ROBO1: variants seen among roughly 807,000 people sequenced by gnomAD.
The protein encoded by ROBO1 is roundabout homolog 1.
ROBO1 carries 149 observed loss-of-function variants against 195.9 expected under a neutral mutation model. The observed-to-expected ratio is 0.76, with a 90% confidence interval of 0.67 to 0.87. ROBO1 has a LOEUF of 0.87. Among genes scored for constraint, ROBO1 ranks in the 40% least tolerant of loss-of-function variants. ROBO1 has a pLI of 0.00. For missense variants in ROBO1, 1,933 were observed against 2,068.3 expected (o/e 0.93, Z 1.27); for synonymous variants, 816 against 733.2 (o/e 1.11, Z -1.82).
chr3:79,540,850 A>G (rs951449202), intron 2 of ROBO1, among the ~76,000 whole-genome samples: 2 of 152,090 alleles, frequency 1.3e-5, no homozygotes, highest in African/African-American at 2.4e-5. Context: ...TCTACGTAAT[A>G]TTTTTTACAT....
chr3:79,461,198 T>C (rs573096348), intron 2 of ROBO1, among the ~76,000 whole-genome samples: 29 of 152,236 alleles, frequency 1.9e-4, no homozygotes, highest in African/African-American at 6.0e-4. Flanking sequence ...GGTGGACTCA[T>C]AGGGTCACAT....
intron 3 of ROBO1, among the ~76,000 whole-genome samples, chr3:79,095,572 A>G (rs529258607): frequency 1.3e-5 from 2 of 151,712 alleles, no homozygotes; most frequent in Non-Finnish European, 2.9e-5. Flanking sequence ...CTCAGGTAAA[A>G]CCCTGGGCTA....
chr3:79,142,066 G>A (rs1055852482), intron 2 of ROBO1, among the ~76,000 whole-genome samples: 3 of 151,910 alleles, frequency 2.0e-5, no homozygotes, highest in African/African-American at 7.2e-5. Context: ...TTCCAAAAGA[G>A]ACATTCTTAT....
intron 1 of ROBO1, among the ~76,000 whole-genome samples, chr3:79,693,898 T>C (rs532872998): frequency 6.6e-6 from 1 of 151,870 alleles, no homozygotes; most frequent in South Asian, 2.1e-4. Flanking sequence ...TAAATAAATA[T>C]CATGAGAAGT....
intron 4 of ROBO1, among the ~76,000 whole-genome samples, chr3:78,827,340 C>T (rs1176402411): frequency 6.6e-6 from 1 of 152,094 alleles, no homozygotes; most frequent in African/African-American, 2.4e-5. Flanking sequence ...CTTCACTACA[C>T]CATAATACTT....
At chr3:78,785,050 G>A (rs975339130) in intron 4 of ROBO1, among the ~76,000 whole-genome samples, 2 of 152,100 alleles carry the variant, frequency 1.3e-5, no homozygotes, top group African/African-American at 2.4e-5. Context: ...ATTGTTCAAA[G>A]GCAAGTGGGT....
chr3:79,483,004 G>A (rs529051260), intron 2 of ROBO1, among the ~76,000 whole-genome samples: 2 of 152,240 alleles, frequency 1.3e-5, no homozygotes, highest in South Asian at 2.1e-4. Flanking sequence ...GTGTTGAAAC[G>A]GCAAAAGGGA....
chr3:79,294,118 CA>C (rs1166426631), intron 2 of ROBO1, among the ~76,000 whole-genome samples: 1 of 129,040 alleles, frequency 7.7e-6, no homozygotes, highest in Admixed American at 7.5e-5. Context: ...CATATGGAAT[CA>C]AAAAAGAGCC....
At chr3:79,530,895 T>A (rs1941634394) in intron 2 of ROBO1, among the ~76,000 whole-genome samples, 1 of 151,990 alleles carries the variant, frequency 6.6e-6, no homozygotes, top group Non-Finnish European at 1.5e-5. Context: ...TGTCCCCAGT[T>A]ATTCTCCAGA....
chr3:78,756,538 A>G (rs972552978), intron 4 of ROBO1, among the ~76,000 whole-genome samples: 2 of 152,184 alleles, frequency 1.3e-5, no homozygotes, highest in African/African-American at 4.8e-5. Flanking sequence ...TTCATTCAAT[A>G]AAAGTACAAC....
chr3:79,549,639 G>A (rs925194989), intron 2 of ROBO1, among the ~76,000 whole-genome samples: 13 of 152,110 alleles, frequency 8.5e-5, no homozygotes, highest in African/African-American at 2.9e-4. Flanking sequence ...TAAAGTATAT[G>A]GGAGGAAATG....
intron 8 of ROBO1, among the ~76,000 whole-genome samples, chr3:78,695,535 G>A (rs1258736445): frequency 6.7e-6 from 1 of 149,706 alleles, no homozygotes; most frequent in Non-Finnish European, 1.5e-5. Context: ...TGAGGCAGGG[G>A]AATTGTTTGA....
chr3:79,493,124 G>A (rs1939554208), intron 2 of ROBO1, among the ~76,000 whole-genome samples: 3 of 151,930 alleles, frequency 2.0e-5, no homozygotes, highest in African/African-American at 4.8e-5. Flanking sequence ...TAACATGAAT[G>A]TTTAAGATAA....
rs755383278 is a variant in ROBO1, at chr3:78,667,943, C to T, written c.1906G>A (p.Ala636Thr). 3.7e-6 allele frequency: 6 copies of T among 1,613,742 alleles called. No homozygotes were observed. In the Admixed American group the frequency reaches 1.0e-4, roughly 27 times the overall value. Reference protein sequence around the residue: ...PNAIYLFLVRAANAYGISDPS... With the variant: ...PNAIYLFLVRTANAYGISDPS... Reference sequence around the variant, plus strand: ...TCACTAATTCCATATGCATTAGCTGCCCTCACAAGGAAAAGGTAAATTGCA... The same window carrying T: ...TCACTAATTCCATATGCATTAGCTGTCCTCACAAGGAAAAGGTAAATTGCA... The change falls in exon 14 of 31, where the codon GCA becomes ACA. Residue 636 changes from alanine (A) to threonine (T), a missense_variant. Ala to Thr is a moderately conservative substitution (Grantham distance 58). This residue lies in a region of ROBO1 where 1,737 missense variants were observed against 1,882.5 expected (regional missense o/e 0.92). Transcript: ENST00000464233.
intron 1 of ROBO1, among the ~76,000 whole-genome samples, chr3:79,663,744 T>G (rs1946396246): frequency 6.6e-6 from 1 of 152,086 alleles, no homozygotes; most frequent in Non-Finnish European, 1.5e-5. Context: ...GTTATTGTCA[T>G]TTTTTAGATA....
chr3:78,711,366 C>CT (rs2081709893), intron 8 of ROBO1, among the ~76,000 whole-genome samples: 2 of 66,162 alleles, frequency 3.0e-5, no homozygotes, highest in African/African-American at 7.8e-5. Flanking sequence ...TTCCTTCCTT[C>CT]CTTCCTTCCT....
intron 2 of ROBO1, among the ~76,000 whole-genome samples, chr3:79,400,606 A>T (rs2037332261): frequency 1.3e-5 from 2 of 152,082 alleles, no homozygotes; most frequent in African/African-American, 4.8e-5. Context: ...TTTGATTTGA[A>T]GTCTGTGTAT....
At chr3:78,860,098 A>G (rs2034706845) in intron 4 of ROBO1, among the ~76,000 whole-genome samples, 1 of 150,588 alleles carries the variant, frequency 6.6e-6, no homozygotes, top group East Asian at 2.0e-4. Context: ...AAAAAGACAC[A>G]AGGGGTTTTA....
intron 3 of ROBO1, among the ~76,000 whole-genome samples, chr3:78,982,694 T>A (rs1446412587): frequency 6.6e-6 from 1 of 152,104 alleles, no homozygotes; most frequent in East Asian, 1.9e-4. Context: ...AGTGGCGTGA[T>A]CTCGGCTCAC....
Sources: gnomAD v4.1 joint callset for allele counts (sites outside exome capture counted in the v4.1 genomes callset) on GRCh38, gnomAD v4.1.1 for gene constraint, gnomAD v4.1.1 regional missense constraint, MANE v1.5 for transcripts, NCBI Gene and HGNC (gene_info 2026-07-23, HGNC 2026-07-21) for gene names.